KLRG1: variants seen among roughly 807,000 people sequenced by gnomAD.
The protein encoded by KLRG1 is killer cell lectin-like receptor subfamily G member 1.
KLRG1 carries 16 observed loss-of-function variants against 21.8 expected under a neutral mutation model. The ratio of observed to expected loss-of-function variants is 0.73; its 90% CI spans 0.50 to 1.11. The LOEUF is 1.11. Among genes scored for constraint, KLRG1 ranks in the 50% most tolerant of loss-of-function variants. The probability of loss-of-function intolerance (pLI) is 0.00; values close to 1 mark genes in which losing one functional copy is unlikely to be tolerated. For synonymous variants in KLRG1, 69 were observed against 75.9 expected (o/e 0.91, Z 0.47); for missense variants, 173 against 218.3 (o/e 0.79, Z 1.31).
At chr12:9,200,364 T>C in the KLRG1 span, 1 of 1,590,388 alleles carries the variant, frequency 6.3e-7, no homozygotes, top group Non-Finnish European at 8.6e-7. Context: ...TGTAACTCAC[T>C]CTCCACAGAC....
chr12:9,077,789 ATG>A, the KLRG1 span: 5 of 1,614,070 alleles, frequency 3.1e-6, no homozygotes, highest in Non-Finnish European at 4.2e-6. Flanking sequence ...GGCTTGGGTA[ATG>A]TGTGCTTCAT....
At chr12:8,979,398 A>G (rs1008897673) in intron 1 of KLRG1, among the ~76,000 whole-genome samples, 2 of 152,176 alleles carry the variant, frequency 1.3e-5, no homozygotes, top group African/African-American at 2.4e-5. Flanking sequence ...CTTTGAATAT[A>G]TCATCCCATC....
the KLRG1 span, among the ~76,000 whole-genome samples, chr12:9,026,310 G>A: frequency 3.9e-5 from 6 of 152,172 alleles, no homozygotes; most frequent in Non-Finnish European, 5.9e-5. Flanking sequence ...GAACATTTTT[G>A]TACATGTATT....
chr12:8,961,735 A>G (rs2137218427), intron 1 of KLRG1, among the ~76,000 whole-genome samples: 1 of 152,234 alleles, frequency 6.6e-6, no homozygotes, highest in South Asian at 2.1e-4. Context: ...TTAAAAGAAC[A>G]CAACAATATC....
At chr12:9,147,470 T>G in the KLRG1 span, among the ~76,000 whole-genome samples, 1 of 152,212 alleles carries the variant, frequency 6.6e-6, no homozygotes, top group Non-Finnish European at 1.5e-5. Flanking sequence ...TAGCCTCTCA[T>G]AAGCCGTAGC....
At chr12:9,072,946 C>A in the KLRG1 span, 1 of 1,213,214 alleles carries the variant, frequency 8.2e-7, no homozygotes, top group Non-Finnish European at 1.2e-6. Flanking sequence ...TTTCAAAGAC[C>A]CATGTGAGGG....
At chr12:9,127,980 G>T in the KLRG1 span, 1 of 309,900 alleles carries the variant, frequency 3.2e-6, no homozygotes, top group South Asian at 3.2e-5. Flanking sequence ...CCGCCTGGCT[G>T]CAGATCACTT....
the KLRG1 span, among the ~76,000 whole-genome samples, chr12:9,179,129 T>C: frequency 6.6e-6 from 1 of 152,222 alleles, no homozygotes; most frequent in Non-Finnish European, 1.5e-5. Context: ...TTGCATTATG[T>C]TAAAAAGTTC....
At chr12:8,992,137 TC>T in intron 1 of KLRG1, 68 bp from the exon 2 acceptor site, 2 of 1,332,682 alleles carry the variant, frequency 1.5e-6, no homozygotes, top group Non-Finnish European at 2.1e-6. Flanking sequence ...GCGATATCCT[TC>T]CCTGACTTTC....
Position 8,955,375 on chromosome 12 carries a change from A to AT in KLRG1, c.-156+5176dup, listed in dbSNP as rs61263683. Among the ~76,000 whole-genome samples, 41 of 71,334 alleles carry AT rather than the reference A, an allele frequency of 5.7e-4. 7 individuals carry two copies. Among genetic ancestry groups the AT allele is most frequent in the Non-Finnish European group, 9.8e-4 (38 of 38,644 alleles). The allele number at this position is 71,334 out of a possible 152,430, so 46.8% of individuals were successfully genotyped here. ...AGTCCTAGAGGCAACTATTGCTCTG[A>AT]TTTTTTTTTTTTTTTTTTTTTTTTT... On this transcript the variant is annotated intron_variant, in intron 1 of 4. Coordinates refer to the KLRG1 transcript ENST00000539240.
chr12:9,103,890 C>G, the KLRG1 span, among the ~76,000 whole-genome samples: 2 of 152,138 alleles, frequency 1.3e-5, no homozygotes, highest in African/African-American at 4.8e-5. Flanking sequence ...GCAAATAGCT[C>G]TTTGAGACCC....
At chr12:9,100,775 T>C in the KLRG1 span, among the ~76,000 whole-genome samples, 6 of 152,302 alleles carry the variant, frequency 3.9e-5, no homozygotes, top group South Asian at 6.2e-4. Context: ...CCAAACATCA[T>C]ATCTTCTCAC....
chr12:9,107,905 T>G, the KLRG1 span, among the ~76,000 whole-genome samples: 1 of 152,054 alleles, frequency 6.6e-6, no homozygotes, highest in African/African-American at 2.4e-5. Flanking sequence ...AAAAAAGTCT[T>G]TCTTATTATA....
the KLRG1 span, among the ~76,000 whole-genome samples, chr12:9,158,804 G>A: frequency 7.5e-6 from 1 of 133,256 alleles, no homozygotes; most frequent in Non-Finnish European, 1.6e-5. Context: ...TTCATTACCA[G>A]CTTGTCCTTG....
intron 1 of KLRG1, among the ~76,000 whole-genome samples, chr12:8,979,847 T>C (rs114204361): frequency 1.7e-3 from 265 of 152,278 alleles, no homozygotes; most frequent in African/African-American, 5.4e-3. Flanking sequence ...AAGCTCTGTA[T>C]TGTATTTTTT....
the KLRG1 span, among the ~76,000 whole-genome samples, chr12:9,072,095 C>A: frequency 6.6e-6 from 1 of 152,108 alleles, no homozygotes; most frequent in Non-Finnish European, 1.5e-5. Flanking sequence ...ACAAGGAATT[C>A]AGGTCAGAGG....
chr12:9,197,739 T>C, the KLRG1 span, among the ~76,000 whole-genome samples: 1 of 89,634 alleles, frequency 1.1e-5, no homozygotes, highest in African/African-American at 5.1e-5. Flanking sequence ...TTATATATTA[T>C]ACAATACATA....
the KLRG1 span, among the ~76,000 whole-genome samples, chr12:9,021,591 G>T: frequency 2.0e-5 from 3 of 151,446 alleles, no homozygotes; most frequent in African/African-American, 7.3e-5. Flanking sequence ...CTCTTTTTGT[G>T]ATACACTTAG....
At chr12:9,176,798 G>A in the KLRG1 span, among the ~76,000 whole-genome samples, 608 of 152,260 alleles carry the variant, frequency 4.0e-3, 16 homozygotes, top group Non-Finnish European at 2.2e-3. Context: ...ATTATTCTAT[G>A]CCAGTTCCAC....
Sources: allele counts gnomAD v4.1 joint callset (sites outside exome capture counted in the v4.1 genomes callset), GRCh38; gene constraint gnomAD v4.1.1; transcripts MANE v1.5; gene names NCBI Gene and HGNC (gene_info 2026-07-23, HGNC 2026-07-21).